MEGF10: variants seen among roughly 807,000 people sequenced by gnomAD.
The protein encoded by MEGF10 is multiple epidermal growth factor-like domains protein 10.
A neutral mutation model predicts 147.5 loss-of-function variants in MEGF10; 86 were observed. That is an observed-to-expected ratio of 0.58 (90% CI 0.49 to 0.70). The LOEUF (loss-of-function observed/expected upper bound fraction) is 0.70, where lower values mean the gene tolerates loss of function less well. Ranked by LOEUF, MEGF10 falls within the 30% of genes least tolerant of loss-of-function variation. MEGF10 has a pLI of 0.00. For missense variants in MEGF10, 1,329 were observed against 1,487.3 expected, an observed-to-expected ratio of 0.89 and a Z score of 1.75; for synonymous variants, 478 against 525.5, an observed-to-expected ratio of 0.91 and a Z score of 1.24.
chr5:127,340,489 A>T, intron 3 of MEGF10, 41 bp from the exon 4 acceptor site: 2 of 1,533,930 alleles, frequency 1.3e-6, no homozygotes, highest in Non-Finnish European at 1.8e-6. Context: ...TGCTTTTCAG[A>T]CTTTTATTAT....
chr5:127,379,986 A>C (rs1191278979), intron 5 of MEGF10, among the ~76,000 whole-genome samples: 1 of 152,094 alleles, frequency 6.6e-6, no homozygotes, highest in Non-Finnish European at 1.5e-5. Flanking sequence ...TATGCAGAGT[A>C]TGACCCTATT....
intron 1 of MEGF10, among the ~76,000 whole-genome samples, chr5:127,329,942 C>G (rs1016081502): frequency 6.6e-6 from 1 of 152,140 alleles, no homozygotes; most frequent in Non-Finnish European, 1.5e-5. Context: ...CCTAGCATAT[C>G]GTATGTGTTC....
At chr5:127,323,927 T>C (rs1015895938) in intron 1 of MEGF10, among the ~76,000 whole-genome samples, 6 of 152,204 alleles carry the variant, frequency 3.9e-5, no homozygotes, top group Non-Finnish European at 5.9e-5. Context: ...CATCCGAATA[T>C]CATAGCAGCT....
At chr5:127,416,657 C>G (rs1056862063) in intron 9 of MEGF10, among the ~76,000 whole-genome samples, 2 of 152,030 alleles carry the variant, frequency 1.3e-5, no homozygotes, top group South Asian at 2.1e-4. Context: ...ACTGTTCAAC[C>G]CACAGGAATT....
At chr5:127,409,526 C>T (rs1420140049) in intron 8 of MEGF10, 4 of 152,272 alleles carry the variant, frequency 2.6e-5, no homozygotes, top group Non-Finnish European at 5.9e-5. Flanking sequence ...CGATCATTTT[C>T]TCTTTTCTAT....
intron 1 of MEGF10, among the ~76,000 whole-genome samples, chr5:127,310,030 CT>C (rs1760215132): frequency 6.2e-5 from 5 of 81,172 alleles, no homozygotes; most frequent in African/African-American, 1.8e-4. Flanking sequence ...TTCTTTCTTT[CT>C]TTCCTTCTTT....
At chr5:127,378,796 G>A (rs950296425) in intron 5 of MEGF10, among the ~76,000 whole-genome samples, 2 of 151,756 alleles carry the variant, frequency 1.3e-5, no homozygotes, top group Admixed American at 1.3e-4. Context: ...GTCCACAGTT[G>A]CTTGCCACAA....
chr5:127,340,697 A>G lies in MEGF10; in HGVS notation c.319+67A>G, dbSNP rs1761647987. The G allele has an allele frequency of 3.1e-6, 4 of 1,300,064 alleles. 1 individual carries two copies. The South Asian group carries it at 4.8e-5, about 16-fold the overall frequency. The allele number at this position is 1,300,064 out of a possible 1,614,324, so 80.5% of individuals were successfully genotyped here. Reference sequence around the variant, plus strand: ...CCAGTGCTGGTTTGCTTCCATTAATAGCAGCTGAGACAGAGGTCTGGGGAG... The same window carrying G: ...CCAGTGCTGGTTTGCTTCCATTAATGGCAGCTGAGACAGAGGTCTGGGGAG... On this transcript the variant is annotated intron_variant, in intron 4 of 24. Coordinates refer to ENST00000503335, the MANE Select transcript of MEGF10 (RefSeq NM_001256545.2).
At chr5:127,293,783 G>C (rs920037950) in intron 1 of MEGF10, among the ~76,000 whole-genome samples, 2 of 152,212 alleles carry the variant, frequency 1.3e-5, no homozygotes, top group African/African-American at 4.8e-5. Context: ...CCAGAAGTAA[G>C]GGCCAGTAAT....
At chr5:127,242,315 C>T in the MEGF10 span, among the ~76,000 whole-genome samples, 1 of 152,134 alleles carries the variant, frequency 6.6e-6, no homozygotes, top group African/African-American at 2.4e-5. Context: ...ATCTGAGCAA[C>T]ATTAAGACTT....
chr5:127,355,981 G>A (rs575323307), intron 4 of MEGF10, among the ~76,000 whole-genome samples: 1 of 152,220 alleles, frequency 6.6e-6, no homozygotes, highest in South Asian at 2.1e-4. Context: ...GGACAGGTAG[G>A]ATTTTTACAG....
At chr5:127,447,209 C>G (rs1176194323) in intron 20 of MEGF10, among the ~76,000 whole-genome samples, 2 of 152,268 alleles carry the variant, frequency 1.3e-5, no homozygotes, top group East Asian at 3.9e-4. Context: ...TGGAGTCTCG[C>G]TCTGTCACCA....
rs143567784 is a variant in MEGF10, at chr5:127,451,424, A to G, written c.2980+2202A>G. ...ATCTGTATTCTATACCATTTTTATC[A>G]ATAGGATGAGTATTTCTAACCACAG... On this transcript the variant is annotated intron_variant, in intron 22 of 24. Transcript: ENST00000503335. Among the ~76,000 whole-genome samples, 353 of 152,340 alleles carry G rather than the reference A, an allele frequency of 2.3e-3. 1 individual carries two copies. The highest frequency in any genetic ancestry group is 7.8e-3 in the African/African-American group (326 of 41,576).
At chr5:127,313,369 G>T (rs758146855) in intron 1 of MEGF10, among the ~76,000 whole-genome samples, 8 of 152,138 alleles carry the variant, frequency 5.3e-5, no homozygotes, top group Non-Finnish European at 1.0e-4. Flanking sequence ...ATTTGTAGTT[G>T]ACTAGATTCT....
intron 8 of MEGF10, among the ~76,000 whole-genome samples, chr5:127,409,297 A>G (rs1764460897): frequency 6.6e-6 from 1 of 152,192 alleles, no homozygotes; most frequent in African/African-American, 2.4e-5. Context: ...GCTGACCTAC[A>G]TTTCTGACTC....
chr5:127,405,793 A>C (rs1764299214), intron 8 of MEGF10, among the ~76,000 whole-genome samples: 1 of 152,016 alleles, frequency 6.6e-6, no homozygotes, highest in Admixed American at 6.6e-5. Context: ...TTTTTAATTA[A>C]AAATTTTGTT....
chr5:127,445,581 A>T lies in MEGF10; in HGVS notation c.2616A>T (p.Leu872=). 1 of 1,613,996 alleles carries T rather than the reference A, an allele frequency of 6.2e-7. No homozygotes were observed. The highest frequency in any genetic ancestry group is 1.1e-5 in the South Asian group (1 of 91,062). ...IIILVLVVLF[L]LALFIIYRHK... ...TTCTTGTCCTAGTTGTTCTCTTCCT[A>T]CTGGCATTGTTCATTATTTATAGAC... The change falls in exon 20 of 25, where the codon CTA becomes CTT. Residue 872 remains leucine (L), a synonymous_variant. Transcript: ENST00000503335.
chr5:127,339,292 A>T, intron 3 of MEGF10, 71 bp downstream of exon 3: 1 of 1,074,804 alleles, frequency 9.3e-7, no homozygotes, highest in Non-Finnish European at 1.4e-6. Context: ...GATATTAATG[A>T]CAGCAGAAAG....
At chr5:127,325,285 CTTAGTAGAT>C (rs1054815896) in intron 1 of MEGF10, among the ~76,000 whole-genome samples, 4 of 152,022 alleles carry the variant, frequency 2.6e-5, no homozygotes, top group Non-Finnish European at 5.9e-5. Context: ...TAATTTTTTC[CTTAGTAGAT>C]TTTAAGCTAT....
Sources: allele counts gnomAD v4.1 joint callset (sites outside exome capture counted in the v4.1 genomes callset), GRCh38; gene constraint gnomAD v4.1.1; transcripts MANE v1.5; gene names NCBI Gene and HGNC (gene_info 2026-07-23, HGNC 2026-07-21).